NTM: variants seen among roughly 807,000 people sequenced by gnomAD.
The protein encoded by NTM is IgLON family member 2.
A neutral mutation model predicts 42.1 loss-of-function variants in NTM; 13 were observed. The ratio of observed to expected loss-of-function variants is 0.31; its 90% CI spans 0.20 to 0.49. The LOEUF (loss-of-function observed/expected upper bound fraction) is 0.49, where lower values mean the gene tolerates loss of function less well. Among genes scored for constraint, NTM ranks in the 20% least tolerant of loss-of-function variants. NTM has a pLI of 0.99. For synonymous variants in NTM, 187 were observed against 179.2 expected (o/e 1.04, Z -0.35); for missense variants, 373 against 452.8 (o/e 0.82, Z 1.60).
At chr11:131,871,283 C>G (rs2047752766) in intron 1 of NTM, among the ~76,000 whole-genome samples, 1 of 152,188 alleles carries the variant, frequency 6.6e-6, no homozygotes, top group African/African-American at 2.4e-5. Flanking sequence ...GGATACATTT[C>G]TTTCCTTGTT....
chr11:132,048,626 A>C (rs2078364985), intron 2 of NTM, among the ~76,000 whole-genome samples: 1 of 152,146 alleles, frequency 6.6e-6, no homozygotes, highest in Admixed American at 6.5e-5. Flanking sequence ...TGTTTGTGTC[A>C]AGATACAACC....
At chr11:131,477,625 C>A (rs1287749609) in intron 1 of NTM, among the ~76,000 whole-genome samples, 2 of 151,832 alleles carry the variant, frequency 1.3e-5, no homozygotes, top group African/African-American at 4.8e-5. Context: ...CTCTCTTCTA[C>A]CTCCCTGAAT....
At chr11:131,558,387 G>A (rs1221571376) in intron 1 of NTM, among the ~76,000 whole-genome samples, 2 of 152,096 alleles carry the variant, frequency 1.3e-5, no homozygotes, top group Admixed American at 1.3e-4. Context: ...TCAGGGAATT[G>A]GAGGACAGAC....
At chr11:131,799,412 G>A (rs1399971857) in intron 1 of NTM, among the ~76,000 whole-genome samples, 1 of 152,140 alleles carries the variant, frequency 6.6e-6, no homozygotes, top group Non-Finnish European at 1.5e-5. Context: ...CATATTGCAG[G>A]TGTACAAACA....
rs145803243 is a variant in NTM at position 131,450,158 on chromosome 11, A to G, written c.82+79270A>G. Among the ~76,000 whole-genome samples the G allele has an allele frequency of 1.6e-4, 25 of 152,110 alleles. No individual in the cohort carries two copies. In the East Asian group the frequency reaches 3.1e-3, roughly 19 times the overall value. ...ACTTTGTCCTGCAAAATAACTTCCCAAAGACTACACTCCCATGTGGGCCAG... is the reference window on the plus strand; with the variant it reads ...ACTTTGTCCTGCAAAATAACTTCCCGAAGACTACACTCCCATGTGGGCCAG... On this transcript the variant is annotated intron_variant, in intron 1 of 8. Transcript: ENST00000683400.
intron 1 of NTM, among the ~76,000 whole-genome samples, chr11:131,833,639 C>T (rs1385223875): frequency 1.3e-5 from 2 of 152,116 alleles, no homozygotes; most frequent in East Asian, 3.9e-4. Flanking sequence ...AAATAGTATT[C>T]AGTGACATGA....
intron 2 of NTM, among the ~76,000 whole-genome samples, chr11:131,920,638 C>A (rs956279562): frequency 3.3e-5 from 5 of 152,106 alleles, no homozygotes; most frequent in African/African-American, 1.2e-4. Flanking sequence ...TGTATTTGGG[C>A]AACTTGCTGT....
In NTM at chr11:131,510,907, T is replaced by C. The variant is rs143061316; in HGVS notation, c.82+140019T>C. Among the ~76,000 whole-genome samples the C allele has an allele frequency of 4.6e-3, 698 of 152,298 alleles. 2 individuals are homozygous for C. The highest frequency in any genetic ancestry group is 0.015 in the African/African-American group (636 of 41,574). On this transcript the variant is annotated intron_variant, in intron 1 of 8. Transcript: ENST00000683400. Reference sequence around the variant, plus strand: ...GAAGAGCTCCCTCTGCAGCAGCCAGTGCCTCTTGATTCTCTGGAAGGAGCC... The same window carrying C: ...GAAGAGCTCCCTCTGCAGCAGCCAGCGCCTCTTGATTCTCTGGAAGGAGCC...
chr11:132,248,645 C>T (rs868749038), intron 4 of NTM, among the ~76,000 whole-genome samples: 2 of 152,202 alleles, frequency 1.3e-5, no homozygotes, highest in Non-Finnish European at 2.9e-5. Context: ...GCCCCTCCCT[C>T]AGAAATGGAC....
chr11:132,138,848 A>G (rs1395743689), intron 2 of NTM, among the ~76,000 whole-genome samples: 1 of 152,110 alleles, frequency 6.6e-6, no homozygotes, highest in Non-Finnish European at 1.5e-5. Context: ...CTTATTTATG[A>G]AGCCTGCTGA....
At chr11:132,310,813 T>C (rs1255295947) in intron 6 of NTM, among the ~76,000 whole-genome samples, 1 of 152,084 alleles carries the variant, frequency 6.6e-6, no homozygotes, top group African/African-American at 2.4e-5. Flanking sequence ...TCGGGATATT[T>C]GTTGTGAGTC....
At chr11:132,070,769 C>T (rs373310900) in intron 2 of NTM, among the ~76,000 whole-genome samples, 5 of 143,374 alleles carry the variant, frequency 3.5e-5, no homozygotes, top group African/African-American at 7.7e-5. Flanking sequence ...TTAGTTAACA[C>T]GTCACTCACC....
chr11:132,296,013 T>C (rs949305049), intron 4 of NTM, among the ~76,000 whole-genome samples: 1 of 152,096 alleles, frequency 6.6e-6, no homozygotes, highest in Non-Finnish European at 1.5e-5. Context: ...GCAGGGTTTG[T>C]TGATTGAAGG....
intron 1 of NTM, among the ~76,000 whole-genome samples, chr11:131,562,678 G>C (rs1048224368): frequency 6.6e-6 from 1 of 152,160 alleles, no homozygotes; most frequent in African/African-American, 2.4e-5. Context: ...CTTAAATTTA[G>C]ACTCTGCAGA....
At chr11:132,240,357 G>T (rs1259461855) in intron 4 of NTM, among the ~76,000 whole-genome samples, 1 of 152,192 alleles carries the variant, frequency 6.6e-6, no homozygotes, top group Non-Finnish European at 1.5e-5. Flanking sequence ...AGACAGAGTG[G>T]AATCTAGCAG....
chr11:131,990,906 T>C (rs963220715), intron 2 of NTM, among the ~76,000 whole-genome samples: 4 of 152,164 alleles, frequency 2.6e-5, no homozygotes, highest in Admixed American at 1.3e-4. Context: ...TCTGTTTTTA[T>C]AGTGAGCGGG....
intron 3 of NTM, among the ~76,000 whole-genome samples, chr11:132,147,204 TGTGTGTGTGTGAGAGA>T (rs1213161220): frequency 3.5e-5 from 5 of 143,256 alleles, no homozygotes; most frequent in Non-Finnish European, 4.5e-5. Flanking sequence ...TGTGTGTGTG[TGTGTGTGTGTGAGAGA>T]GAGAGAGAGA....
At chr11:131,394,349 G>A (rs567684581) in intron 1 of NTM, among the ~76,000 whole-genome samples, 1 of 152,314 alleles carries the variant, frequency 6.6e-6, no homozygotes, top group African/African-American at 2.4e-5. Context: ...CTCCCAGGGA[G>A]ATTCCCCACC....
intron 2 of NTM, among the ~76,000 whole-genome samples, chr11:131,919,099 A>G (rs1409055483): frequency 7.2e-6 from 1 of 139,506 alleles, no homozygotes; most frequent in African/African-American, 2.7e-5. Context: ...AAGAGGGACC[A>G]GCTCCAAAAC....
Sources: gnomAD v4.1 joint callset for allele counts (sites outside exome capture counted in the v4.1 genomes callset) on GRCh38, gnomAD v4.1.1 for gene constraint, MANE v1.5 for transcripts, NCBI Gene and HGNC (gene_info 2026-07-23, HGNC 2026-07-21) for gene names.